The following KCNIP4 variants were observed in gnomAD, a reference collection of about 807,000 sequenced individuals.
KCNIP4 encodes the protein Kv channel-interacting protein 4.
In KCNIP4, 12 loss-of-function variants were observed where a neutral mutation model predicts 34.0. The observed-to-expected ratio is 0.35, with a 90% CI of 0.23 to 0.57. KCNIP4 has a LOEUF of 0.57. Among genes scored for constraint, KCNIP4 ranks in the 20% least tolerant of loss-of-function variants. The pLI, the probability that KCNIP4 is intolerant of heterozygous loss-of-function variation, is 0.83. For synonymous variants in KCNIP4, 124 were observed against 102.2 expected (o/e 1.21, Z -1.29); for missense variants, 238 against 311.7 (o/e 0.76, Z 1.78).
chr4:20,763,425 A>G (rs1269305178), intron 3 of KCNIP4, among the ~76,000 whole-genome samples: 1 of 152,192 alleles, frequency 6.6e-6, no homozygotes, highest in African/African-American at 2.4e-5. Context: ...TATGGCGCCA[A>G]CAGTCTCTGT....
Position 21,188,812 on chromosome 4 carries a change from A to T in KCNIP4, c.62-306103T>A, listed in dbSNP as rs529354124. 3.9e-5 allele frequency among the ~76,000 whole-genome samples: 6 copies of T among 152,304 alleles called. No individual in the cohort carries two copies. In the East Asian group the frequency reaches 1.2e-3, roughly 29 times the overall value. On this transcript the variant is annotated intron_variant, in intron 1 of 8. Transcript: ENST00000382152. ...CAAGTATTTGTTTAAGGTCTAACTT[A>T]TTAACTAGAGGGTGAGATCTCTAAC...
At chr4:21,504,289 G>T (rs1733607929) in intron 1 of KCNIP4, among the ~76,000 whole-genome samples, 1 of 151,788 alleles carries the variant, frequency 6.6e-6, no homozygotes, top group African/African-American at 2.4e-5. Context: ...CCAACATGGT[G>T]AAACCCCGTC....
rs549948515 is a variant in KCNIP4, at chr4:21,155,119, T to A, written c.62-272410A>T. Among the ~76,000 whole-genome samples, 13 of 152,318 alleles carry A rather than the reference T, an allele frequency of 8.5e-5. No individual in the cohort carries two copies. In the South Asian group the frequency reaches 2.1e-3, roughly 24 times the overall value. On this transcript the variant is annotated intron_variant, in intron 1 of 8. Coordinates refer to ENST00000382152, the MANE Select transcript of KCNIP4 (RefSeq NM_025221.6). ...GTCCTAATTTACTGAGTCACCTTAC[T>A]GTAGGATGGTGGGAGAGAAAGATTA... is the stretch of plus-strand genomic sequence containing the variant.
intron 1 of KCNIP4, among the ~76,000 whole-genome samples, chr4:21,008,218 C>T (rs1355989515): frequency 6.6e-6 from 1 of 152,208 alleles, no homozygotes; most frequent in African/African-American, 2.4e-5. Flanking sequence ...AAAGAATCCA[C>T]CGGAGAACTG....
intron 1 of KCNIP4, among the ~76,000 whole-genome samples, chr4:21,502,782 C>T (rs1165911457): frequency 2.0e-5 from 3 of 152,106 alleles, no homozygotes; most frequent in East Asian, 1.9e-4. Context: ...GGTCCTATTC[C>T]GTTTTGCCAC....
intron 1 of KCNIP4, among the ~76,000 whole-genome samples, chr4:21,908,721 T>G (rs1728135009): frequency 6.6e-6 from 1 of 152,188 alleles, no homozygotes; most frequent in Non-Finnish European, 1.5e-5. Context: ...TAGAGCTTAT[T>G]CTCAATTTAA....
At chr4:21,872,515 G>T in intron 1 of KCNIP4, among the ~76,000 whole-genome samples, 1 of 152,126 alleles carries the variant, frequency 6.6e-6, no homozygotes, top group East Asian at 1.9e-4. Context: ...GTACAGAATC[G>T]TGACCCAAAG....
At chr4:21,824,314 T>G (rs1384532454) in intron 1 of KCNIP4, among the ~76,000 whole-genome samples, 1 of 152,100 alleles carries the variant, frequency 6.6e-6, no homozygotes, top group East Asian at 1.9e-4. Context: ...ACTAACAAAT[T>G]AGCCACAAGA....
At chr4:21,030,542 CA>C (rs1740934934) in intron 1 of KCNIP4, among the ~76,000 whole-genome samples, 1 of 152,040 alleles carries the variant, frequency 6.6e-6, no homozygotes, top group African/African-American at 2.4e-5. Flanking sequence ...TCTCTGGTGC[CA>C]AAAAATGTTG....
chr4:21,347,439 A>G (rs967884084), intron 1 of KCNIP4, among the ~76,000 whole-genome samples: 2 of 152,122 alleles, frequency 1.3e-5, no homozygotes, highest in African/African-American at 4.8e-5. Context: ...CCACCCTTCA[A>G]TCTCCCTCCA....
At chr4:21,876,929 C>T (rs987045) in intron 1 of KCNIP4, among the ~76,000 whole-genome samples, 96,529 of 151,672 alleles carry the variant, frequency 0.64, 32,720 homozygotes, top group African/African-American at 0.87. Context: ...AGTCCATCTG[C>T]TAGTGGCCAG....
In KCNIP4 at chr4:20,988,000, C is replaced by CAAAAAAAAAAAAAAAAAAAAAAAAAAAAA. The variant is rs36044149; in HGVS notation, c.62-105292_62-105291insTTTTTTTTTTTTTTTTTTTTTTTTTTTTT. Among the ~76,000 whole-genome samples the CAAAAAAAAAAAAAAAAAAAAAAAAAAAAA allele has an allele frequency of 3.2e-4, 15 of 46,330 alleles. 1 individual carries two copies. Among genetic ancestry groups the CAAAAAAAAAAAAAAAAAAAAAAAAAAAAA allele is most frequent in the East Asian group, 2.9e-3 (4 of 1,376 alleles). The allele number at this position is 46,330 out of a possible 152,430, so 30.4% of individuals were successfully genotyped here. On this transcript the variant is annotated intron_variant, in intron 1 of 8. Coordinates refer to ENST00000382152, the MANE Select transcript of KCNIP4 (RefSeq NM_025221.6). ...TGGGCGACACGGCGAGATTCCATCTCAAAAAAAAAAAAAAAAAAAAAATTA... is the reference window on the plus strand; with the variant it reads ...TGGGCGACACGGCGAGATTCCATCTCAAAAAAAAAAAAAAAAAAAAAAAAAAAAAAAAAAAAAAAAAAAAAAAAAAATTA...
intron 1 of KCNIP4, among the ~76,000 whole-genome samples, chr4:21,321,069 G>A (rs1409085061): frequency 6.6e-6 from 1 of 151,640 alleles, no homozygotes; most frequent in African/African-American, 2.4e-5. Context: ...CTGAGTTCTG[G>A]AAAAAATGCA....
intron 1 of KCNIP4, among the ~76,000 whole-genome samples, chr4:21,007,097 A>C (rs1738634361): frequency 6.6e-6 from 1 of 152,156 alleles, no homozygotes; most frequent in Non-Finnish European, 1.5e-5. Flanking sequence ...TATGAACACA[A>C]ATTTAAAACT....
intron 1 of KCNIP4, chr4:21,697,392 C>A: frequency 6.5e-7 from 1 of 1,545,800 alleles, no homozygotes; most frequent in Admixed American, 2.2e-5. Flanking sequence ...AGGTACTGGG[C>A]AAATTTCAGT....
chr4:21,318,103 T>C (rs149813216), intron 1 of KCNIP4, among the ~76,000 whole-genome samples: 1 of 152,154 alleles, frequency 6.6e-6, no homozygotes, highest in African/African-American at 2.4e-5. Flanking sequence ...ACTCAAACTT[T>C]CCAAACCTCT....
At chr4:21,045,617 G>A (rs910501516) in intron 1 of KCNIP4, among the ~76,000 whole-genome samples, 8 of 152,086 alleles carry the variant, frequency 5.3e-5, no homozygotes, top group African/African-American at 1.7e-4. Context: ...AACGTAGATC[G>A]TGTAGAAATT....
At chr4:21,730,264 C>T (rs932343555) in intron 1 of KCNIP4, among the ~76,000 whole-genome samples, 10 of 152,180 alleles carry the variant, frequency 6.6e-5, no homozygotes, top group Non-Finnish European at 7.3e-5. Context: ...ATCTTAAACA[C>T]AGTAATACTC....
At chr4:20,971,867 A>T (rs1378836404) in intron 1 of KCNIP4, among the ~76,000 whole-genome samples, 3 of 152,242 alleles carry the variant, frequency 2.0e-5, no homozygotes, top group Admixed American at 2.0e-4. Flanking sequence ...TTTCAAAATT[A>T]GACTCAATCC....
Sources: allele counts gnomAD v4.1 joint callset (sites outside exome capture counted in the v4.1 genomes callset), GRCh38; gene constraint gnomAD v4.1.1; transcripts MANE v1.5; gene names NCBI Gene and HGNC (gene_info 2026-07-23, HGNC 2026-07-21).